FUT9: variants seen among roughly 807,000 people sequenced by gnomAD.
FUT9 encodes fucosyltransferase 9.
FUT9 carries 15 observed loss-of-function variants against 29.7 expected under a neutral mutation model. That is an observed-to-expected ratio of 0.51 (90% CI 0.34 to 0.78). The LOEUF (loss-of-function observed/expected upper bound fraction) is 0.78, where lower values mean the gene tolerates loss of function less well. FUT9 is among the 30% of genes least tolerant of loss of function. The pLI is 0.01. For missense variants in FUT9, 319 were observed against 425.4 expected, an observed-to-expected ratio of 0.75 and a Z score of 2.20; for synonymous variants, 169 against 153.7, an observed-to-expected ratio of 1.10 and a Z score of -0.74.
At chr6:96,133,940 T>C (rs1772298905) in intron 2 of FUT9, among the ~76,000 whole-genome samples, 1 of 151,830 alleles carries the variant, frequency 6.6e-6, no homozygotes, top group African/African-American at 2.4e-5. Context: ...ATGTTAATAG[T>C]TAAGGTAAGT....
intron 1 of FUT9, among the ~76,000 whole-genome samples, chr6:96,067,869 T>G (rs573929320): frequency 4.6e-5 from 7 of 152,202 alleles, no homozygotes; most frequent in Non-Finnish European, 7.4e-5. Flanking sequence ...TTATAAAATA[T>G]GTAATACGTA....
At chr6:96,034,876 G>GGAACA in intron 1 of FUT9, among the ~76,000 whole-genome samples, 1 of 151,716 alleles carries the variant, frequency 6.6e-6, no homozygotes, top group Admixed American at 6.6e-5. Context: ...TTGTAAGAAA[G>GGAACA]ATCAGTTTTG....
intron 2 of FUT9, among the ~76,000 whole-genome samples, chr6:96,193,904 G>C (rs1773568010): frequency 1.3e-5 from 2 of 152,168 alleles, no homozygotes; most frequent in Admixed American, 6.5e-5. Flanking sequence ...TCCTTTGTAG[G>C]GACATGGATG....
chr6:96,049,997 G>A (rs1770636184), intron 1 of FUT9, among the ~76,000 whole-genome samples: 1 of 152,090 alleles, frequency 6.6e-6, no homozygotes, highest in South Asian at 2.1e-4. Flanking sequence ...AACCCACTTT[G>A]TAGAAGTGGG....
chr6:96,017,555 C>T (rs1770000765), intron 1 of FUT9, among the ~76,000 whole-genome samples: 2 of 152,064 alleles, frequency 1.3e-5, no homozygotes, highest in African/African-American at 4.8e-5. Flanking sequence ...AAAACTACCC[C>T]ACAAAATTTA....
chr6:96,021,386 G>A (rs1471678719), intron 1 of FUT9, among the ~76,000 whole-genome samples: 1 of 151,590 alleles, frequency 6.6e-6, no homozygotes, highest in Non-Finnish European at 1.5e-5. Context: ...GAGGTCATAG[G>A]GTAATCTTTT....
chr6:96,209,516 C>A lies in FUT9; in HGVS notation c.*5281C>A, dbSNP rs1315761507. 1 of 166,660 alleles carries A rather than the reference C, an allele frequency of 6.0e-6. No individual in the cohort carries two copies. Among genetic ancestry groups the A allele is most frequent in the East Asian group, 1.9e-4 (1 of 5,172 alleles). 10.3% of individuals were successfully genotyped at this position (166,660 alleles called of 1,614,324 possible). On this transcript the variant is annotated 3_prime_UTR_variant, in exon 3 of 3. Transcript: ENST00000302103. Reference sequence around the variant, plus strand: ...TTATTTTGAAATATTTTAGAGTTTTCTGTACTATTCAAACTCTTATTACAA... The same window carrying A: ...TTATTTTGAAATATTTTAGAGTTTTATGTACTATTCAAACTCTTATTACAA...
intron 2 of FUT9, among the ~76,000 whole-genome samples, chr6:96,189,493 G>A (rs1773466702): frequency 6.6e-6 from 1 of 152,110 alleles, no homozygotes; most frequent in Non-Finnish European, 1.5e-5. Flanking sequence ...TACATCTAAT[G>A]TTGACAGTGG....
intron 2 of FUT9, among the ~76,000 whole-genome samples, chr6:96,135,756 A>G (rs946089579): frequency 6.6e-6 from 1 of 151,890 alleles, no homozygotes. Flanking sequence ...ATAGTGAACA[A>G]ATACTGTATT....
chr6:96,125,558 A>T lies in FUT9; in HGVS notation c.-9+11431A>T, dbSNP rs1772118682. 3.3e-5 allele frequency among the ~76,000 whole-genome samples: 5 copies of T among 152,180 alleles called. No homozygotes were observed. The South Asian group carries it at 1.0e-3, about 31-fold the overall frequency. On this transcript the variant is annotated intron_variant, in intron 2 of 2. Transcript: ENST00000302103. ...CAGTCTTTACAATTATCTAACAGGG[A>T]TTAATATTATTTCTAATGTTTATGT...
At chr6:96,095,824 C>T (rs887706796) in intron 1 of FUT9, among the ~76,000 whole-genome samples, 2 of 152,110 alleles carry the variant, frequency 1.3e-5, no homozygotes, top group Admixed American at 6.6e-5. Flanking sequence ...AGATGTGTAA[C>T]CATGGGCTAG....
intron 1 of FUT9, among the ~76,000 whole-genome samples, chr6:96,054,846 A>G (rs529478388): frequency 3.4e-4 from 52 of 152,344 alleles, no homozygotes; most frequent in African/African-American, 1.2e-3. Context: ...GTAATAATAT[A>G]GGTAATGTTC....
At position 96,158,698 on chromosome 6, in the gene FUT9, G is replaced by A. The variant is rs568171752; in HGVS notation, c.-8-44450G>A. Reference sequence around the variant, plus strand: ...TAAAGAATCTCCAACCATCTCTTCCGCTTCCATAATATTAGATTTGTTGCT... The same window carrying A: ...TAAAGAATCTCCAACCATCTCTTCCACTTCCATAATATTAGATTTGTTGCT... On this transcript the variant is annotated intron_variant, in intron 2 of 2. Transcript: ENST00000302103. Among the ~76,000 whole-genome samples the A allele has an allele frequency of 6.6e-5, 10 of 152,074 alleles. No homozygotes were observed. In the East Asian group the frequency reaches 9.6e-4, roughly 15 times the overall value.
intron 1 of FUT9, among the ~76,000 whole-genome samples, chr6:96,035,749 A>G (rs1770345008): frequency 7.4e-6 from 1 of 134,372 alleles, no homozygotes; most frequent in Non-Finnish European, 1.6e-5. Context: ...TTATACTAAT[A>G]TAATATAATA....
At chr6:96,106,145 T>C (rs1007014410) in intron 1 of FUT9, among the ~76,000 whole-genome samples, 6 of 152,178 alleles carry the variant, frequency 3.9e-5, no homozygotes, top group South Asian at 2.1e-4. Context: ...TGACTGAAGA[T>C]AGCAGGCAGC....
chr6:96,144,234 T>C (rs200945466), intron 2 of FUT9, among the ~76,000 whole-genome samples: 3 of 147,742 alleles, frequency 2.0e-5, no homozygotes, highest in African/African-American at 7.4e-5. Context: ...GATTTTTTTT[T>C]CCAATTAGTT....
Position 96,026,414 on chromosome 6 carries a change from ATAATC to A in FUT9, c.-98+10205_-98+10209del, listed in dbSNP as rs532976683. On this transcript the variant is annotated intron_variant, in intron 1 of 2. Transcript: ENST00000302103. ...GAGTCTAAATTAGTAATTTCTGACT[ATAATC>A]TATATAGATTACAGCATAGGGCGTG... 1.7e-3 allele frequency among the ~76,000 whole-genome samples: 255 copies of A among 151,826 alleles called. 1 individual carries two copies. Among genetic ancestry groups the A allele is most frequent in the African/African-American group, 6.0e-3 (251 of 41,504 alleles).
chr6:96,034,161 C>A (rs753258887), intron 1 of FUT9, among the ~76,000 whole-genome samples: 2 of 151,496 alleles, frequency 1.3e-5, no homozygotes, highest in Non-Finnish European at 3.0e-5. Context: ...TATCTTTTGG[C>A]TCATTCCTCC....
At chr6:96,057,956 T>C (rs2127942061) in intron 1 of FUT9, among the ~76,000 whole-genome samples, 1 of 152,320 alleles carries the variant, frequency 6.6e-6, no homozygotes, top group South Asian at 2.1e-4. Context: ...TAGACAAGCC[T>C]TCAGCCTCTC....
Sources: gnomAD v4.1 joint callset for allele counts (sites outside exome capture counted in the v4.1 genomes callset) on GRCh38, gnomAD v4.1.1 for gene constraint, MANE v1.5 for transcripts, NCBI Gene and HGNC (gene_info 2026-07-23, HGNC 2026-07-21) for gene names.